Variants in USP28 observed in about 807,000 individuals in gnomAD.
USP28 encodes ubiquitin carboxyl-terminal hydrolase 28.
Under a neutral mutation model 145.0 loss-of-function variants are expected in USP28, and 113 were observed. The observed-to-expected ratio is 0.78, with a 90% CI of 0.67 to 0.91. The LOEUF (loss-of-function observed/expected upper bound fraction) is 0.91, where lower values mean the gene tolerates loss of function less well. Among genes scored for constraint, USP28 ranks in the 40% least tolerant of loss-of-function variants. USP28 has a pLI of 0.00. For missense variants in USP28, 1,201 were observed against 1,289.6 expected (o/e 0.93, Z 1.05); for synonymous variants, 447 against 450.9 (o/e 0.99, Z 0.11).
At chr11:113,815,524 C>CT in intron 13 of USP28, 142 bp from the exon 14 acceptor site, 1 of 726,756 alleles carries the variant, frequency 1.4e-6, no homozygotes, top group Non-Finnish European at 2.2e-6. Flanking sequence ...CAGAGCCAAC[C>CT]TTTTTCTCTA....
At chr11:113,830,631 T>C (rs775769450) in intron 9 of USP28, among the ~76,000 whole-genome samples, 2 of 152,122 alleles carry the variant, frequency 1.3e-5, no homozygotes, top group Admixed American at 6.5e-5. Flanking sequence ...GCTGTGCAAG[T>C]ATTAATATGA....
intron 3 of USP28, among the ~76,000 whole-genome samples, chr11:113,844,264 C>T (rs1473564874): frequency 6.6e-6 from 1 of 151,804 alleles, no homozygotes; most frequent in Non-Finnish European, 1.5e-5. Flanking sequence ...AATAGTAAAA[C>T]CCCATCTCTA....
intron 7 of USP28, 51 bp from the exon 8 acceptor site, chr11:113,832,044 A>C: frequency 7.0e-7 from 1 of 1,436,402 alleles, no homozygotes; most frequent in Non-Finnish European, 9.7e-7. Context: ...ACTAAGAGAA[A>C]TTAAAATTTA....
At chr11:113,831,030 T>C in intron 8 of USP28, 87 bp from the exon 9 acceptor site, 2 of 1,399,704 alleles carry the variant, frequency 1.4e-6, no homozygotes, top group Non-Finnish European at 2.0e-6. Context: ...AAAGCAAAAA[T>C]AGTGCATTTT....
intron 3 of USP28, among the ~76,000 whole-genome samples, chr11:113,849,413 T>C (rs1361706239): frequency 2.0e-5 from 3 of 152,158 alleles, no homozygotes; most frequent in Non-Finnish European, 2.9e-5. Flanking sequence ...CATGTGTTGA[T>C]TGCATGTTGT....
chr11:113,872,384 G>A (rs189952001), intron 1 of USP28, among the ~76,000 whole-genome samples: 1 of 152,246 alleles, frequency 6.6e-6, no homozygotes. Context: ...CTACTCAGGA[G>A]GCTGAGGCTG....
At chr11:113,804,485 T>A (rs1939589312) in intron 21 of USP28, among the ~76,000 whole-genome samples, 188 bp downstream of exon 22, 1 of 152,198 alleles carries the variant, frequency 6.6e-6, no homozygotes, top group Non-Finnish European at 1.5e-5. Flanking sequence ...AAATGAAGAA[T>A]GAAAATAAAG....
chr11:113,817,808 C>G (rs199559814), exon 13 of USP28: 2 of 1,614,118 alleles, frequency 1.2e-6, no homozygotes, highest in Admixed American at 1.7e-5. Flanking sequence ...GAGCGGGAAC[C>G]GAGCTGGGCC....
rs1396357647 is a variant in USP28, at chr11:113,825,444, A to G, written c.1188-1744T>C. On this transcript the variant is annotated intron_variant, in intron 11 of 24. Coordinates refer to ENST00000003302, the Ensembl canonical transcript of USP28. ...TAGTCACTTTAGAAAATAGTTTGGA[A>G]ATTTCTTATAATGTTAAATATACAC... Among the ~76,000 whole-genome samples the G allele has an allele frequency of 2.0e-5, 3 of 152,216 alleles. No individual in the cohort carries two copies. The East Asian group carries it at 5.8e-4, about 29-fold the overall frequency.
chr11:113,807,651 A>G (rs1787159118), intron 18 of USP28, among the ~76,000 whole-genome samples: 1 of 152,164 alleles, frequency 6.6e-6, no homozygotes, highest in Non-Finnish European at 1.5e-5. Context: ...TTAGAAGGCA[A>G]TCTTTTGTCC....
chr11:113,823,468 A>T, intron 12 of USP28, 137 bp downstream of exon 12: 1 of 691,178 alleles, frequency 1.4e-6, no homozygotes, highest in Non-Finnish European at 2.4e-6. Flanking sequence ...CTTCACACTT[A>T]GACAAAAAAT....
intron 12 of USP28, among the ~76,000 whole-genome samples, chr11:113,818,545 C>T (rs1942110244): frequency 6.6e-6 from 1 of 152,088 alleles, no homozygotes; most frequent in African/African-American, 2.4e-5. Flanking sequence ...CTTTAAGAAA[C>T]TTATCTTCAA....
At chr11:113,827,497 T>C (rs144060602) in intron 10 of USP28, 137 bp from the exon 11 acceptor site, 7 of 763,632 alleles carry the variant, frequency 9.2e-6, no homozygotes, top group Admixed American at 3.8e-5. Context: ...ATACTAGAAC[T>C]TTTTTTTATC....
intron 2 of USP28, among the ~76,000 whole-genome samples, chr11:113,853,369 T>TTTCTTGTG (rs1366428569): frequency 2.0e-5 from 3 of 151,852 alleles, no homozygotes; most frequent in Admixed American, 2.0e-4. Context: ...TCATTCTTGT[T>TTTCTTGTG]TTTAATGTTT....
chr11:113,803,060 G>C, intron 23 of USP28, 98 bp downstream of exon 24: 1 of 1,341,490 alleles, frequency 7.5e-7, no homozygotes, highest in Non-Finnish European at 9.9e-7. Context: ...TCTACAACCT[G>C]TTGGAGATAG....
chr11:113,806,649 T>C (rs907729234), intron 18 of USP28, 65 bp from the exon 20 acceptor site: 2 of 1,209,604 alleles, frequency 1.7e-6, no homozygotes, highest in South Asian at 1.5e-5. Flanking sequence ...GAAGACTGTA[T>C]GAAAGCAGGC....
chr11:113,812,236 G>T, intron 16 of USP28, 40 bp downstream of exon 16: 1 of 1,541,816 alleles, frequency 6.5e-7, no homozygotes, highest in Non-Finnish European at 8.9e-7. Context: ...GAGCAGTACA[G>T]ATTTTCCCCA....
chr11:113,861,174 C>G (rs183464704), intron 1 of USP28, among the ~76,000 whole-genome samples: 23 of 150,034 alleles, frequency 1.5e-4, no homozygotes, highest in Admixed American at 1.3e-3. Flanking sequence ...TGGTTGCTAA[C>G]CTTTCCAACC....
intron 12 of USP28, among the ~76,000 whole-genome samples, chr11:113,819,085 A>G (rs1046453273): frequency 2.6e-5 from 4 of 152,028 alleles, no homozygotes; most frequent in African/African-American, 9.7e-5. Flanking sequence ...AGGTTATCTT[A>G]CAGAAGAAGA....
Sources: allele counts gnomAD v4.1 joint callset (sites outside exome capture counted in the v4.1 genomes callset), GRCh38; gene constraint gnomAD v4.1.1; transcripts MANE v1.5; gene names NCBI Gene and HGNC (gene_info 2026-07-23, HGNC 2026-07-21).